The following SORCS1 variants were observed in gnomAD, a reference collection of about 807,000 sequenced individuals.
SORCS1 encodes the protein VPS10 domain-containing receptor SorCS1.
SORCS1 carries 60 observed loss-of-function variants against 146.1 expected under a neutral mutation model. The ratio of observed to expected loss-of-function variants is 0.41; its 90% CI spans 0.33 to 0.51. SORCS1 has a LOEUF of 0.51. SORCS1 is among the 20% of genes least tolerant of loss of function. SORCS1 has a pLI of 0.21. For synonymous variants in SORCS1, 637 were observed against 584.0 expected (o/e 1.09, Z -1.31); for missense variants, 1,352 against 1,487.6 (o/e 0.91, Z 1.50).
At chr10:106,786,211 C>T (rs994545063) in intron 3 of SORCS1, among the ~76,000 whole-genome samples, 4 of 152,152 alleles carry the variant, frequency 2.6e-5, no homozygotes, top group African/African-American at 9.7e-5. Context: ...TGGCTTCAAA[C>T]AAGCATTTTG....
At chr10:106,928,502 G>A (rs1344086656) in intron 2 of SORCS1, among the ~76,000 whole-genome samples, 1 of 152,224 alleles carries the variant, frequency 6.6e-6, no homozygotes, top group Non-Finnish European at 1.5e-5. Flanking sequence ...CAAGCTGAGG[G>A]AGCCAGCTCT....
chr10:106,992,551 G>C (rs142898162), intron 1 of SORCS1, among the ~76,000 whole-genome samples: 1 of 152,100 alleles, frequency 6.6e-6, no homozygotes, highest in Non-Finnish European at 1.5e-5. Context: ...CTGGAGTGCA[G>C]TGGCACAATC....
intron 3 of SORCS1, among the ~76,000 whole-genome samples, chr10:106,782,277 A>T (rs1860955456): frequency 6.6e-6 from 1 of 152,180 alleles, no homozygotes; most frequent in Non-Finnish European, 1.5e-5. Flanking sequence ...CATAAAAAAC[A>T]TTTTTTAAGA....
intron 3 of SORCS1, among the ~76,000 whole-genome samples, chr10:106,795,874 G>C (rs1196467926): frequency 6.6e-6 from 1 of 152,110 alleles, no homozygotes; most frequent in Non-Finnish European, 1.5e-5. Flanking sequence ...TAAGACGCTG[G>C]GAGAAAACCA....
chr10:106,816,483 C>A (rs1008792004), intron 3 of SORCS1, among the ~76,000 whole-genome samples: 6 of 152,158 alleles, frequency 3.9e-5, no homozygotes. Context: ...ATAGAGCATA[C>A]CCAGCTATGC....
intron 3 of SORCS1, among the ~76,000 whole-genome samples, chr10:106,802,857 A>T (rs1437022414): frequency 2.0e-5 from 3 of 151,938 alleles, no homozygotes; most frequent in African/African-American, 7.2e-5. Flanking sequence ...CTGGTCTCAA[A>T]CTCCTGACCT....
At chr10:106,879,604 G>A (rs962253843) in intron 2 of SORCS1, among the ~76,000 whole-genome samples, 3 of 152,178 alleles carry the variant, frequency 2.0e-5, no homozygotes, top group Admixed American at 6.5e-5. Flanking sequence ...TATCCAGGCC[G>A]ACCTGATATA....
intron 1 of SORCS1, among the ~76,000 whole-genome samples, chr10:106,966,501 T>G (rs1955501582): frequency 6.6e-6 from 1 of 152,168 alleles, no homozygotes; most frequent in Non-Finnish European, 1.5e-5. Context: ...TCATGTTTAT[T>G]TATGTAAAAT....
intron 1 of SORCS1, among the ~76,000 whole-genome samples, chr10:107,018,977 T>C (rs1411115786): frequency 2.0e-5 from 3 of 152,236 alleles, no homozygotes; most frequent in African/African-American, 7.2e-5. Context: ...TCAGCTCTGC[T>C]ATTCAATAGC....
At chr10:106,595,375 C>T (rs1845845657) in intron 24 of SORCS1, among the ~76,000 whole-genome samples, 1 of 152,112 alleles carries the variant, frequency 6.6e-6, no homozygotes, top group Admixed American at 6.5e-5. Flanking sequence ...CCTCCTTGCT[C>T]CTTACACTCA....
At chr10:106,620,178 A>T in intron 20 of SORCS1, 1 of 387,632 alleles carries the variant, frequency 2.6e-6, no homozygotes, top group Non-Finnish European at 4.6e-6. Flanking sequence ...CACTACAAAG[A>T]CAAGTACAGC....
intron 2 of SORCS1, among the ~76,000 whole-genome samples, chr10:106,891,237 T>C (rs1356117645): frequency 6.6e-6 from 1 of 152,114 alleles, no homozygotes; most frequent in Non-Finnish European, 1.5e-5. Context: ...TGATGATTGG[T>C]CTGGAGGGGA....
At chr10:106,841,694 T>G (rs1949051009) in intron 2 of SORCS1, among the ~76,000 whole-genome samples, 1 of 152,196 alleles carries the variant, frequency 6.6e-6, no homozygotes, top group Non-Finnish European at 1.5e-5. Context: ...ATCTAGCCTG[T>G]TCAGATTGGC....
At chr10:107,144,659 T>C (rs537544655) in intron 1 of SORCS1, among the ~76,000 whole-genome samples, 1 of 152,374 alleles carries the variant, frequency 6.6e-6, no homozygotes, top group African/African-American at 2.4e-5. Flanking sequence ...CACTCCGTAG[T>C]GAGCAGCTGA....
At chr10:106,790,875 T>C (rs1946284824) in intron 3 of SORCS1, among the ~76,000 whole-genome samples, 1 of 152,192 alleles carries the variant, frequency 6.6e-6, no homozygotes. Context: ...CTTTAAAGTT[T>C]AGGTATTGTG....
chr10:106,771,979 T>C (rs964182685), intron 4 of SORCS1, among the ~76,000 whole-genome samples: 1 of 152,202 alleles, frequency 6.6e-6, no homozygotes, highest in African/African-American at 2.4e-5. Flanking sequence ...CCAGACAAGA[T>C]AGCATTTACC....
At chr10:106,642,905 G>A (rs753803056) in intron 18 of SORCS1, among the ~76,000 whole-genome samples, 8 of 152,318 alleles carry the variant, frequency 5.3e-5, no homozygotes, top group Non-Finnish European at 1.0e-4. Flanking sequence ...TTATTGATTA[G>A]TGTCTAAGAA....
At chr10:106,738,582 C>T (rs1344719505) in intron 5 of SORCS1, among the ~76,000 whole-genome samples, 1 of 152,136 alleles carries the variant, frequency 6.6e-6, no homozygotes, top group Non-Finnish European at 1.5e-5. Flanking sequence ...TGCGTGGGGC[C>T]AGAGGGGCCA....
chr10:107,074,647 T>C (rs1962729939), intron 1 of SORCS1, among the ~76,000 whole-genome samples: 1 of 152,248 alleles, frequency 6.6e-6, no homozygotes, highest in Non-Finnish European at 1.5e-5. Context: ...GTTGTACTAT[T>C]TTCCATTCCT....
Sources: allele counts gnomAD v4.1 joint callset (sites outside exome capture counted in the v4.1 genomes callset), GRCh38; gene constraint gnomAD v4.1.1; transcripts MANE v1.5; gene names NCBI Gene and HGNC (gene_info 2026-07-23, HGNC 2026-07-21).